The following ZGRF1 variants were observed in gnomAD, a reference collection of about 807,000 sequenced individuals.
The protein encoded by ZGRF1 is 5'-3' DNA helicase ZGRF1.
A neutral mutation model predicts 203.5 loss-of-function variants in ZGRF1; 196 were observed. The ratio of observed to expected loss-of-function variants is 0.96; its 90% CI spans 0.86 to 1.08. The LOEUF (loss-of-function observed/expected upper bound fraction) is 1.08, where lower values mean the gene tolerates loss of function less well. ZGRF1 is among the 50% of genes least tolerant of loss of function. The pLI is 0.00. For synonymous variants in ZGRF1, 809 were observed against 841.3 expected, an observed-to-expected ratio of 0.96 and a Z score of 0.66; for missense variants, 2,326 against 2,416.3, an observed-to-expected ratio of 0.96 and a Z score of 0.78.
At chr4:112,604,096 C>T (rs1458544511) in intron 9 of ZGRF1, among the ~76,000 whole-genome samples, 7 of 151,916 alleles carry the variant, frequency 4.6e-5, no homozygotes, top group South Asian at 4.1e-4. Flanking sequence ...TGGTGGTGCA[C>T]GCCTGTAATC....
intron 1 of ZGRF1, chr4:112,636,639 C>T (rs1365477034): frequency 6.6e-6 from 1 of 152,150 alleles, no homozygotes; most frequent in Non-Finnish European, 1.5e-5. Context: ...GGTCCTCATA[C>T]CTACTCGAAA....
chr4:112,588,913 CTG>C (rs1383240049), intron 11 of ZGRF1, among the ~76,000 whole-genome samples: 1 of 152,184 alleles, frequency 6.6e-6, no homozygotes, highest in East Asian at 1.9e-4. Flanking sequence ...CATGGTATAA[CTG>C]TGAAAATCAT....
chr4:112,619,244 T>C lies in ZGRF1; in HGVS notation c.798A>G (p.Ser266=). Residue 266 remains serine, a synonymous_variant, in exon 6 of 28, where the codon TCA becomes TCG. Coordinates refer to ENST00000505019, the MANE Select transcript of ZGRF1 (RefSeq NM_018392.5). The part of the protein sequence containing the change: ...LALLKSESSS[S]CEELNSEMTE... The stretch of plus-strand genomic sequence containing the variant: ...TCATCTCAGAATTTAGTTCCTCACA[T>C]GAACTAGATGATTCGGACTTCAGAA... 1 of 1,613,176 alleles carries C rather than the reference T, an allele frequency of 6.2e-7. No homozygotes were observed. The highest frequency in any genetic ancestry group is 8.5e-7 in the Non-Finnish European group (1 of 1,179,842).
intron 11 of ZGRF1, among the ~76,000 whole-genome samples, chr4:112,589,402 G>A (rs1301831682): frequency 2.6e-5 from 4 of 152,124 alleles, no homozygotes; most frequent in Non-Finnish European, 5.9e-5. Flanking sequence ...CATTCCTCTG[G>A]AACAGGAAAG....
intron 22 of ZGRF1, among the ~76,000 whole-genome samples, chr4:112,552,854 A>C (rs768686099): frequency 3.3e-4 from 50 of 152,288 alleles, no homozygotes; most frequent in Non-Finnish European, 3.7e-4. Context: ...GTGCAAATGG[A>C]ATGTCAGCAA....
Position 112,539,581 on chromosome 4 carries a change from T to C in ZGRF1, c.6281A>G (p.Glu2094Gly). 6.7e-7 allele frequency: 1 copy of C among 1,499,146 alleles called. No individual in the cohort carries two copies. The highest frequency in any genetic ancestry group is 9.1e-7 in the Non-Finnish European group (1 of 1,096,404). 92.9% of individuals were successfully genotyped at this position (1,499,146 alleles called of 1,614,324 possible). A position where few individuals can be genotyped will look rare whatever the true frequency, so the allele number is the denominator to read the frequency against. The change falls in exon 28 of 28, where the codon GAA becomes GGA. Residue 2094 changes from glutamate (E) to glycine (G), a missense_variant. By Grantham distance (98) the Glu-to-Gly change is moderately conservative. Coordinates refer to ENST00000505019, the MANE Select transcript of ZGRF1 (RefSeq NM_018392.5). ...QVEEKQKKKS[E>G]KEKSKDKSHS ...AGATTTATCTTTAGATTTCTCTTTT[T>C]CACTCTTTTTCTTCTGTTTTTCTTC...
chr4:112,585,717 T>C lies in ZGRF1; in HGVS notation c.3925A>G (p.Asn1309Asp). The change falls in exon 14 of 28, where the codon AAT (asparagine) becomes GAT (aspartate). Residue 1309 changes from asparagine (N) to aspartate (D), a missense_variant. Coordinates refer to ENST00000505019, the MANE Select transcript of ZGRF1 (RefSeq NM_018392.5). Reference sequence around the variant, plus strand: ...TGTGCTAACCCAAACAGCAATATATTTAGATGTTCTACAAAAAAAAAAAAA... The same window carrying C: ...TGTGCTAACCCAAACAGCAATATATCTAGATGTTCTACAAAAAAAAAAAAA... The part of the protein sequence containing the change: ...TFTSCLIEHL[N>D]ILLFGLAQNL... The C allele has an allele frequency of 6.5e-7, 1 of 1,533,796 alleles. No individual in the cohort carries two copies. The highest frequency in any genetic ancestry group is 1.3e-5 in the South Asian group (1 of 78,568).
At position 112,620,133 on chromosome 4, in the gene ZGRF1, T is replaced by C. The variant is rs1414914198; in HGVS notation, c.220A>G (p.Lys74Glu). ...DRYLITVEEVKVAGAIGIVKQ... is the reference protein window; with the variant it reads ...DRYLITVEEVEVAGAIGIVKQ... ...ACAATACCTATGGCTCCAGCAACTTTAACCTCTTCAACTGTGATTAAGTAT... is the reference window on the plus strand; with the variant it reads ...ACAATACCTATGGCTCCAGCAACTTCAACCTCTTCAACTGTGATTAAGTAT... Residue 74 changes from lysine (K) to glutamate (E), a missense_variant, in exon 5 of 28, where the codon AAA (lysine) becomes GAA (glutamate). Physicochemically the swap from Lys to Glu is moderately conservative, Grantham distance 56 (BLOSUM62 1). Transcript: ENST00000505019. 4.3e-6 allele frequency: 7 copies of C among 1,613,220 alleles called. No individual in the cohort carries two copies. Among genetic ancestry groups the C allele is most frequent in the Non-Finnish European group, 5.9e-6 (7 of 1,179,614 alleles).
chr4:112,559,317 A>G lies in ZGRF1; in HGVS notation c.4961-1008T>C, dbSNP rs555783620. Among the ~76,000 whole-genome samples the G allele has an allele frequency of 3.3e-5, 5 of 151,766 alleles. No individual in the cohort carries two copies. The East Asian group carries it at 9.7e-4, about 29-fold the overall frequency. Reference sequence around the variant, plus strand: ...AGGCTCAAGCCATCCTCCCACCACAACCTCCAAAGTAGCTGGGACTACAGG... The same window carrying G: ...AGGCTCAAGCCATCCTCCCACCACAGCCTCCAAAGTAGCTGGGACTACAGG... On this transcript the variant is annotated intron_variant, in intron 19 of 27. Transcript: ENST00000505019.
chr4:112,632,753 G>A (rs2047452768), intron 2 of ZGRF1, among the ~76,000 whole-genome samples: 1 of 152,156 alleles, frequency 6.6e-6, no homozygotes, highest in South Asian at 2.1e-4. Context: ...AGAGTCCCGA[G>A]ACCAAATAGT....
chr4:112,595,030 T>G (rs1578392969), intron 10 of ZGRF1, among the ~76,000 whole-genome samples: 1 of 151,832 alleles, frequency 6.6e-6, no homozygotes, highest in Non-Finnish European at 1.5e-5. Context: ...TCACCTGAGG[T>G]CAGGAGTTTG....
At chr4:112,575,729 G>A (rs1412614871) in intron 16 of ZGRF1, among the ~76,000 whole-genome samples, 3 of 152,252 alleles carry the variant, frequency 2.0e-5, no homozygotes, top group Non-Finnish European at 4.4e-5. Context: ...TAGGCCAGGG[G>A]AAGGGGTGCC....
Position 112,608,361 on chromosome 4 carries a change from G to A in ZGRF1, c.2718+1018C>T, listed in dbSNP as rs753972013. ...AGGCTGGAGGTGGTGGCTCATGCCT[G>A]TAATCCCAGCACTTTGGGAGGCCGA... On this transcript the variant is annotated intron_variant, in intron 8 of 27. Coordinates refer to ENST00000505019, the MANE Select transcript of ZGRF1 (RefSeq NM_018392.5). Among the ~76,000 whole-genome samples the A allele has an allele frequency of 2.0e-5, 3 of 152,162 alleles. No homozygotes were observed. In the South Asian group the frequency reaches 6.2e-4, roughly 32 times the overall value.
intron 26 of ZGRF1, 50 bp downstream of exon 26, chr4:112,540,771 G>A: frequency 7.0e-7 from 1 of 1,420,306 alleles, no homozygotes; most frequent in Middle Eastern, 1.8e-4. Context: ...ATGGTAATAT[G>A]TAATTGTAAT....
rs1310853563 is a variant in ZGRF1 at position 112,633,201 on chromosome 4, GC to G, written c.-26del. On this transcript the variant is annotated 5_prime_UTR_variant, in exon 2 of 28. Coordinates refer to ENST00000505019, the MANE Select transcript of ZGRF1 (RefSeq NM_018392.5). ...TTATTTCTTCTGAAGTTATAAACCA[GC>G]TGGGTCCAGAAAATAGGAAATATTC... The G allele has an allele frequency of 4.4e-6, 7 of 1,596,792 alleles. No homozygotes were observed. Among genetic ancestry groups the G allele is most frequent in the Non-Finnish European group, 6.0e-6 (7 of 1,166,248 alleles).
intron 22 of ZGRF1, among the ~76,000 whole-genome samples, chr4:112,549,411 T>C (rs1412080139): frequency 6.6e-6 from 1 of 152,234 alleles, no homozygotes; most frequent in African/African-American, 2.4e-5. Flanking sequence ...TACATATACA[T>C]ACGTGTGTAT....
intron 10 of ZGRF1, among the ~76,000 whole-genome samples, chr4:112,593,784 A>G (rs537702786): frequency 6.6e-6 from 1 of 150,882 alleles, no homozygotes; most frequent in Admixed American, 6.7e-5. Context: ...TTATTTATCT[A>G]TTTATTTTAA....
At chr4:112,589,380 C>T (rs566638026) in intron 11 of ZGRF1, among the ~76,000 whole-genome samples, 4 of 152,268 alleles carry the variant, frequency 2.6e-5, no homozygotes, top group African/African-American at 9.6e-5. Context: ...TGATGAGACA[C>T]TTGCAATGAG....
chr4:112,554,344 T>C (rs917834824), intron 21 of ZGRF1, among the ~76,000 whole-genome samples: 3 of 152,016 alleles, frequency 2.0e-5, no homozygotes, highest in Non-Finnish European at 4.4e-5. Context: ...ATCCCATTAC[T>C]GGGTATATAC....
Sources: allele counts gnomAD v4.1 joint callset (sites outside exome capture counted in the v4.1 genomes callset), GRCh38; gene constraint gnomAD v4.1.1; transcripts MANE v1.5; gene names NCBI Gene and HGNC (gene_info 2026-07-23, HGNC 2026-07-21).